The following DDB1 variants were observed in gnomAD, a reference collection of about 807,000 sequenced individuals.
The protein encoded by DDB1 is damage specific DNA binding protein 1.
In DDB1, 18 loss-of-function variants were observed where a neutral mutation model predicts 133.1. That is an observed-to-expected ratio of 0.14 (90% CI 0.09 to 0.20). DDB1 has a LOEUF of 0.20. DDB1 is among the 10% of genes least tolerant of loss of function. The pLI is 1.00. For synonymous variants in DDB1, 580 were observed against 550.5 expected (o/e 1.05, Z -0.75); for missense variants, 828 against 1,459.2 (o/e 0.57, Z 7.05).
intron 2 of DDB1, 145 bp from the exon 3 acceptor site, chr11:61,330,219 A>G: frequency 1.6e-6 from 1 of 615,890 alleles, no homozygotes; most frequent in Non-Finnish European, 2.8e-6. Context: ...TGTAACCCAC[A>G]CTAGGTACAC....
At position 61,310,277 on chromosome 11, in the gene DDB1, G is replaced by A. The variant is rs369074861; in HGVS notation, c.2401+18C>T. 504 of 1,599,444 alleles carry A rather than the reference G, an allele frequency of 3.2e-4. 1 individual carries two copies. Among genetic ancestry groups the A allele is most frequent in the African/African-American group, 1.1e-3 (83 of 74,478 alleles). On this transcript the variant is annotated intron_variant, in intron 19 of 26. Transcript: ENST00000301764. The stretch of plus-strand genomic sequence containing the variant: ...AGGGAGGGCGTAGATAAAAATTATC[G>A]AAAGAGCTCATGTGCACCTTCAAAG...
intron 21 of DDB1, among the ~76,000 whole-genome samples, chr11:61,304,625 A>G (rs1456852463): frequency 6.6e-6 from 1 of 152,192 alleles, no homozygotes; most frequent in Non-Finnish European, 1.5e-5. Context: ...CTGTAATCCC[A>G]GCACTTTGGG....
Position 61,314,496 on chromosome 11 carries a change from C to T in DDB1, c.1411-10G>A, listed in dbSNP as rs1038565542. 2 of 1,602,316 alleles carry T rather than the reference C, an allele frequency of 1.2e-6. No homozygotes were observed. The highest frequency in any genetic ancestry group is 4.5e-5 in the East Asian group (2 of 44,766). Reference sequence around the variant, plus strand: ...CCGATGCTGAAGTGATCTAGATAAACAGCAGATGAACAAATGTCTCCAAGC... The same window carrying T: ...CCGATGCTGAAGTGATCTAGATAAATAGCAGATGAACAAATGTCTCCAAGC... On this transcript the variant is annotated splice_polypyrimidine_tract_variant and intron_variant, in intron 12 of 26. Transcript: ENST00000301764.
chr11:61,312,380 G>A (rs1328105972), intron 16 of DDB1, among the ~76,000 whole-genome samples: 2 of 152,154 alleles, frequency 1.3e-5, no homozygotes, highest in Admixed American at 1.3e-4. Flanking sequence ...TACTGCCTGT[G>A]TCAGAGTTGG....
chr11:61,319,236 G>A (rs1856137562), intron 10 of DDB1, among the ~76,000 whole-genome samples: 1 of 152,028 alleles, frequency 6.6e-6, no homozygotes, highest in Admixed American at 6.6e-5. Context: ...AATTTAAAAA[G>A]TCCCAACTTT....
At position 61,303,066 on chromosome 11, in the gene DDB1, C is replaced by A; in HGVS notation, c.2922G>T (p.Leu974Phe). ...NFLGAENAFN[L>F]FVCQKDSAAT... ...CTCACCTATCCTTTTGACACACAAA[C>A]AAGTTAAAGGCATTTTCAGCCCCCA... The change falls in exon 23 of 27, where the codon TTG becomes TTT. Residue 974 changes from leucine to phenylalanine, a missense_variant. Physicochemically the swap from Leu to Phe is conservative, Grantham distance 22. This residue lies in a region of DDB1 where 116 missense variants were observed against 221.6 expected (regional missense o/e 0.52). Coordinates refer to ENST00000301764, the MANE Select transcript of DDB1 (RefSeq NM_001923.5). The A allele has an allele frequency of 6.2e-7, 1 of 1,614,182 alleles. No individual in the cohort carries two copies.
At chr11:61,328,036 C>CT (rs1197536601) in intron 4 of DDB1, among the ~76,000 whole-genome samples, 2 of 152,232 alleles carry the variant, frequency 1.3e-5, no homozygotes, top group East Asian at 1.9e-4. Context: ...ATTTGGGCCT[C>CT]TGAGACACAC....
chr11:61,316,239 G>A, intron 12 of DDB1, 46 bp downstream of exon 12: 3 of 1,540,594 alleles, frequency 1.9e-6, no homozygotes, highest in Non-Finnish European at 2.7e-6. Context: ...CTGCATCTAG[G>A]TCAATTCAAG....
At position 61,329,542 on chromosome 11, in the gene DDB1, T is replaced by G; in HGVS notation, c.370A>C (p.Ile124Leu). 1 of 1,614,116 alleles carries G rather than the reference T, an allele frequency of 6.2e-7. No individual in the cohort carries two copies. The change falls in exon 4 of 27, where the codon ATT (isoleucine) becomes CTT (leucine). Residue 124 changes from isoleucine (I) to leucine (L), a missense_variant. Ile to Leu is a conservative substitution (Grantham distance 5). This residue lies in a region of DDB1 where 210 missense variants were observed against 344.8 expected (regional missense o/e 0.61). Coordinates refer to ENST00000301764, the MANE Select transcript of DDB1 (RefSeq NM_001923.5). The part of the protein sequence containing the change: ...RPSETGIIGI[I>L]DPECRMIGLR... ...CCAATCATCCGGCACTCAGGGTCAATGATGCCAATAATGCCGGTCTCTGAG... is the reference window on the plus strand; with the variant it reads ...CCAATCATCCGGCACTCAGGGTCAAGGATGCCAATAATGCCGGTCTCTGAG...
intron 4 of DDB1, among the ~76,000 whole-genome samples, chr11:61,328,187 A>C (rs1856299687): frequency 6.6e-6 from 1 of 152,340 alleles, no homozygotes; most frequent in South Asian, 2.1e-4. Flanking sequence ...TTTTATTTTA[A>C]CTCATACTAA....
At chr11:61,308,013 C>T (rs568743962) in intron 21 of DDB1, among the ~76,000 whole-genome samples, 3 of 152,192 alleles carry the variant, frequency 2.0e-5, no homozygotes, top group African/African-American at 7.2e-5. Flanking sequence ...GCTGCTTCTA[C>T]CCCTGCTCCC....
At chr11:61,325,391 T>A (rs1268490538) in intron 6 of DDB1, among the ~76,000 whole-genome samples, 1 of 152,180 alleles carries the variant, frequency 6.6e-6, no homozygotes, top group Non-Finnish European at 1.5e-5. Context: ...GGAAGCCTAT[T>A]TTGATTATCA....
rs779921300 is a variant in DDB1 at position 61,302,255 on chromosome 11, A to G, written c.3215+2T>C. ...GCAAGGGGATGGCTCTGGGAAGGAT[A>G]TAAGGAGTGCTCGATCTTCCCCACA... On this transcript the variant is annotated splice_donor_variant, in intron 25 of 26. Coordinates refer to ENST00000301764, the MANE Select transcript of DDB1 (RefSeq NM_001923.5). LOFTEE classifies it high-confidence loss of function. The G allele has an allele frequency of 1.2e-6, 2 of 1,613,358 alleles. No individual in the cohort carries two copies. Among genetic ancestry groups the G allele is most frequent in the Non-Finnish European group, 8.5e-7 (1 of 1,179,256 alleles).
chr11:61,332,711 G>C (rs1052181110), intron 1 of DDB1, 197 bp downstream of exon 1: 1 of 443,786 alleles, frequency 2.3e-6, no homozygotes, highest in African/African-American at 2.1e-5. Context: ...CCTCGAGAGC[G>C]GCTTCCAACC....
In DDB1 at chr11:61,302,369, TGAAG is replaced by T. The variant is rs1478777194; in HGVS notation, c.3113-14_3113-11del. Reference sequence around the variant, plus strand: ...AGTGAGGTCACCAGCCCTGAAGAAGTGAAGGAGGCAGTGAGCTGCAGAGAGCTCA... The same window carrying T: ...AGTGAGGTCACCAGCCCTGAAGAAGTGAGGCAGTGAGCTGCAGAGAGCTCA... On this transcript the variant is annotated splice_polypyrimidine_tract_variant and intron_variant, in intron 24 of 26. Transcript: ENST00000301764. 2.5e-6 allele frequency: 4 copies of T among 1,613,510 alleles called. No individual in the cohort carries two copies. In the African/African-American group the frequency reaches 4.0e-5, roughly 16 times the overall value.
chr11:61,323,994 T>C lies in DDB1; in HGVS notation c.906A>G (p.Val302=). The C allele has an allele frequency of 6.2e-7, 1 of 1,613,564 alleles. No homozygotes were observed. Residue 302 remains valine (V), a synonymous_variant, in exon 7 of 27, where the codon GTA becomes GTG. Transcript: ENST00000301764. ...DGTVTLKDLR[V]ELLGETSIAE... ...CAAGCTCTACCTCTCCAAGGAGTTC[T>C]ACACGGAGATCCTTGAGAGTGACGG...
In DDB1 at chr11:61,322,432, T is replaced by G. The variant is rs761666084; in HGVS notation, c.1006-20A>C. The stretch of plus-strand genomic sequence containing the variant: ...GTTGAGCTAATAAGAAAGAACAATG[T>G]TATGTTAGTCCTAGAACACCCTAAC... On this transcript the variant is annotated intron_variant, in intron 8 of 26. Transcript: ENST00000301764. 17 of 1,592,312 alleles carry G rather than the reference T, an allele frequency of 1.1e-5. No homozygotes were observed. The East Asian group carries it at 3.8e-4, about 36-fold the overall frequency.
chr11:61,325,736 G>A, intron 5 of DDB1, 28 bp from the exon 6 acceptor site: 1 of 1,583,080 alleles, frequency 6.3e-7, no homozygotes, highest in Non-Finnish European at 8.7e-7. Context: ...AAATTAGAAT[G>A]CTCAGCACTC....
In DDB1 at chr11:61,314,311, A is replaced by C; in HGVS notation, c.1586T>G (p.Ile529Ser). ...GCAGACAGAAAAACACACACACCTG[A>C]TCTGCCGGAGCTCCTGAGGATGGAT... ...LQIHPQELRQISHTEMEHEVA... is the reference protein window; with the variant it reads ...LQIHPQELRQSSHTEMEHEVA... The change falls in exon 13 of 27, where the codon ATC (isoleucine) becomes AGC (serine). Residue 529 changes from isoleucine (I) to serine (S), a missense_variant. Ile to Ser is a moderately radical substitution (Grantham distance 142). This residue lies in a region of DDB1 where 396 missense variants were observed against 554.1 expected (regional missense o/e 0.71). Coordinates refer to ENST00000301764, the MANE Select transcript of DDB1 (RefSeq NM_001923.5). 9 of 1,610,440 alleles carry C rather than the reference A, an allele frequency of 5.6e-6. No individual in the cohort carries two copies. The highest frequency in any genetic ancestry group is 7.6e-6 in the Non-Finnish European group (9 of 1,178,536).
Sources: allele counts gnomAD v4.1 joint callset (sites outside exome capture counted in the v4.1 genomes callset), GRCh38; gene constraint gnomAD v4.1.1; regional missense constraint gnomAD v4.1.1; transcripts MANE v1.5; gene names NCBI Gene and HGNC (gene_info 2026-07-23, HGNC 2026-07-21).